SIPA1L1: variants seen among roughly 807,000 people sequenced by gnomAD.
SIPA1L1 encodes signal-induced proliferation-associated 1-like protein 1.
Under a neutral mutation model 162.7 loss-of-function variants are expected in SIPA1L1, and 26 were observed. The ratio of observed to expected loss-of-function variants is 0.16; its 90% confidence interval spans 0.12 to 0.22. SIPA1L1 has a LOEUF of 0.22. Ranked by LOEUF, SIPA1L1 falls within the 10% of genes least tolerant of loss-of-function variation. The pLI is 1.00. For synonymous variants in SIPA1L1, 829 were observed against 837.4 expected (o/e 0.99, Z 0.17); for missense variants, 1,874 against 2,241.0 (o/e 0.84, Z 3.31).
intron 2 of SIPA1L1, among the ~76,000 whole-genome samples, chr14:71,511,591 A>C (rs1227118806): frequency 2.0e-5 from 3 of 152,114 alleles, no homozygotes; most frequent in Non-Finnish European, 4.4e-5. Context: ...TCCTGGCAGG[A>C]GCATCTTTTG....
At chr14:71,435,396 A>G (rs983892924) in intron 2 of SIPA1L1, among the ~76,000 whole-genome samples, 38 of 152,006 alleles carry the variant, frequency 2.5e-4, no homozygotes, top group African/African-American at 7.0e-4. Flanking sequence ...TCATTGTTCA[A>G]TTCCCACCTA....
chr14:71,449,738 T>A (rs902022660), intron 2 of SIPA1L1, among the ~76,000 whole-genome samples: 1 of 152,216 alleles, frequency 6.6e-6, no homozygotes, highest in African/African-American at 2.4e-5. Context: ...ACTGTCTCAG[T>A]TAAGCATGAT....
At chr14:71,389,065 C>T (rs564129516) in intron 2 of SIPA1L1, among the ~76,000 whole-genome samples, 1 of 152,290 alleles carries the variant, frequency 6.6e-6, no homozygotes, top group African/African-American at 2.4e-5. Context: ...CAGGCATGAG[C>T]CACCGTGCCT....
At chr14:71,493,128 AG>A (rs2049426594) in intron 2 of SIPA1L1, among the ~76,000 whole-genome samples, 2 of 152,088 alleles carry the variant, frequency 1.3e-5, no homozygotes, top group South Asian at 4.1e-4. Context: ...TCTGTCACCC[AG>A]GCTGGAGTGC....
At chr14:71,439,391 A>G (rs1052836510) in intron 2 of SIPA1L1, among the ~76,000 whole-genome samples, 1 of 152,204 alleles carries the variant, frequency 6.6e-6, no homozygotes, top group African/African-American at 2.4e-5. Context: ...TCATAAATTT[A>G]ATGATTCTGA....
At chr14:71,539,983 C>T (rs934761929) in intron 4 of SIPA1L1, among the ~76,000 whole-genome samples, 5 of 152,238 alleles carry the variant, frequency 3.3e-5, no homozygotes, top group African/African-American at 2.4e-5. Context: ...TCCAGTGGGA[C>T]GATGCCATCC....
rs1566679341 is a variant in SIPA1L1, at chr14:71,699,074, CAGTGAT to C, written c.3470_3475del (p.Ser1157_Asp1158del). 6.2e-7 allele frequency: 1 copy of C among 1,614,156 alleles called. No homozygotes were observed. The highest frequency in any genetic ancestry group is 1.7e-5 in the Admixed American group (1 of 60,028). ...ACTCTCCTAGCAACTTGTCTTCATC[CAGTGAT>C]ACTGGTTCTGTGGGGGGCACTTACA... On this transcript the variant is annotated inframe_deletion, in exon 14 of 24. Coordinates refer to ENST00000381232, the MANE Select transcript of SIPA1L1 (RefSeq NM_001386936.1).
intron 15 of SIPA1L1, among the ~76,000 whole-genome samples, chr14:71,703,426 A>G (rs561906065): frequency 6.6e-6 from 1 of 152,352 alleles, no homozygotes; most frequent in East Asian, 1.9e-4. Context: ...AAAGGAGTGG[A>G]GATGTGTTCC....
intron 2 of SIPA1L1, among the ~76,000 whole-genome samples, chr14:71,368,366 T>G (rs981090250): frequency 6.2e-5 from 8 of 128,954 alleles, no homozygotes; most frequent in Non-Finnish European, 1.1e-4. Context: ...TGTGTCCATG[T>G]GATCTCATTG....
At chr14:71,358,361 T>G (rs1014543446) in intron 2 of SIPA1L1, among the ~76,000 whole-genome samples, 1 of 152,214 alleles carries the variant, frequency 6.6e-6, no homozygotes, top group Non-Finnish European at 1.5e-5. Flanking sequence ...ACAGCTCTCT[T>G]CTATTTTAGT....
At chr14:71,601,530 T>C (rs186845279) in intron 5 of SIPA1L1, among the ~76,000 whole-genome samples, 46 of 152,322 alleles carry the variant, frequency 3.0e-4, no homozygotes, top group African/African-American at 1.1e-3. Context: ...TATGTTCATG[T>C]GGAATACTGA....
intron 4 of SIPA1L1, among the ~76,000 whole-genome samples, chr14:71,560,740 G>C (rs1314672717): frequency 6.6e-6 from 1 of 152,178 alleles, no homozygotes; most frequent in Non-Finnish European, 1.5e-5. Flanking sequence ...AACAGTATGG[G>C]TTAGTTAATG....
At chr14:71,431,841 T>C (rs1446120245) in intron 2 of SIPA1L1, among the ~76,000 whole-genome samples, 1 of 152,078 alleles carries the variant, frequency 6.6e-6, no homozygotes. Flanking sequence ...AAAAGGCAGA[T>C]TAATTGGAGA....
Position 71,617,050 on chromosome 14 carries a change from AGC to A in SIPA1L1, c.1499-1705_1499-1704del, listed in dbSNP as rs1322427681. On this transcript the variant is annotated intron_variant, in intron 5 of 23. Transcript: ENST00000381232. ...TGCATCTACTGTTGATCTGTGCTGC[AGC>A]GGTACAATATCCTCTGAGGGTATCA... Among the ~76,000 whole-genome samples the A allele has an allele frequency of 2.0e-5, 3 of 152,316 alleles. No individual in the cohort carries two copies. In the East Asian group the frequency reaches 5.8e-4, roughly 29 times the overall value.
intron 4 of SIPA1L1, among the ~76,000 whole-genome samples, chr14:71,546,506 T>A (rs1359841447): frequency 6.6e-6 from 1 of 150,770 alleles, no homozygotes; most frequent in Non-Finnish European, 1.5e-5. Context: ...CTCAGCCTCC[T>A]AAGTAGCTGG....
At chr14:71,332,326 A>G (rs941001593) in intron 2 of SIPA1L1, among the ~76,000 whole-genome samples, 1 of 151,998 alleles carries the variant, frequency 6.6e-6, no homozygotes, top group Non-Finnish European at 1.5e-5. Flanking sequence ...TCTTCTAGTG[A>G]CTTATGTGGC....
intron 2 of SIPA1L1, among the ~76,000 whole-genome samples, chr14:71,367,619 T>C (rs2038456423): frequency 6.7e-6 from 1 of 149,634 alleles, no homozygotes; most frequent in African/African-American, 2.5e-5. Context: ...TTTTTTTTTT[T>C]TTTTTGGAGA....
intron 2 of SIPA1L1, among the ~76,000 whole-genome samples, chr14:71,382,789 A>T (rs1019952679): frequency 1.1e-4 from 16 of 152,194 alleles, no homozygotes; most frequent in Admixed American, 1.0e-3. Context: ...TATGTGAAAG[A>T]TCAGTTCTCT....
intron 2 of SIPA1L1, chr14:71,416,397 A>G (rs1390412889): frequency 6.6e-6 from 1 of 151,652 alleles, no homozygotes; most frequent in Non-Finnish European, 1.5e-5. Context: ...TATGGGTTTT[A>G]ATACACCTTG....
Sources: allele counts gnomAD v4.1 joint callset (sites outside exome capture counted in the v4.1 genomes callset), GRCh38; gene constraint gnomAD v4.1.1; transcripts MANE v1.5; gene names NCBI Gene and HGNC (gene_info 2026-07-23, HGNC 2026-07-21).